The following GPC5 variants were observed in gnomAD, a reference collection of about 807,000 sequenced individuals.
The protein encoded by GPC5 is glypican-5.
Under a neutral mutation model 53.9 loss-of-function variants are expected in GPC5, and 47 were observed. That is an observed-to-expected ratio of 0.87 (90% CI 0.69 to 1.11). GPC5 has a LOEUF of 1.11. GPC5 is among the 50% of genes most tolerant of loss of function. The probability of loss-of-function intolerance (pLI) is 0.00; values close to 1 mark genes in which losing one functional copy is unlikely to be tolerated. For synonymous variants in GPC5, 286 were observed against 263.3 expected (o/e 1.09, Z -0.84); for missense variants, 748 against 713.1 (o/e 1.05, Z -0.56).
At chr13:91,594,471 T>G (rs1254835588) in intron 2 of GPC5, among the ~76,000 whole-genome samples, 1 of 152,246 alleles carries the variant, frequency 6.6e-6, no homozygotes, top group Admixed American at 6.5e-5. Flanking sequence ...CTCCTTGAGC[T>G]TTGCAGGTTG....
At chr13:92,804,019 A>G (rs1013609345) in intron 7 of GPC5, among the ~76,000 whole-genome samples, 1 of 151,986 alleles carries the variant, frequency 6.6e-6, no homozygotes, top group Non-Finnish European at 1.5e-5. Flanking sequence ...TAAAACTCAG[A>G]TTCTCCTAAC....
chr13:91,611,800 C>T (rs2033558613), intron 2 of GPC5, among the ~76,000 whole-genome samples: 1 of 152,174 alleles, frequency 6.6e-6, no homozygotes, highest in African/African-American at 2.4e-5. Context: ...ACCTTGCCAA[C>T]ATTACTGCTT....
intron 6 of GPC5, among the ~76,000 whole-genome samples, chr13:92,010,058 T>C (rs1463210293): frequency 6.6e-6 from 1 of 152,178 alleles, no homozygotes; most frequent in Admixed American, 6.5e-5. Flanking sequence ...TATATAAGGA[T>C]AATATAAGCT....
intron 7 of GPC5, among the ~76,000 whole-genome samples, chr13:92,468,373 G>T (rs546761921): frequency 6.6e-6 from 1 of 152,208 alleles, no homozygotes; most frequent in East Asian, 1.9e-4. Context: ...GAGTGTTCTT[G>T]GTTGTTTGGA....
At chr13:91,503,817 A>C (rs7987933) in intron 2 of GPC5, among the ~76,000 whole-genome samples, 1,668 of 147,420 alleles carry the variant, frequency 0.011, 32 homozygotes, top group African/African-American at 0.039. Context: ...TAATAATAAT[A>C]ATCAGGCTGT....
intron 2 of GPC5, among the ~76,000 whole-genome samples, chr13:91,515,258 A>T (rs571150297): frequency 6.6e-6 from 1 of 151,540 alleles, no homozygotes; most frequent in East Asian, 1.9e-4. Context: ...TTTTATGCAA[A>T]CTTGTTCATT....
rs549971563 is a variant in GPC5 at position 92,305,403 on chromosome 13, T to C, written c.1561+160414T>C. ...ATTAAAACATTTCAGTCAACAAAAC[T>C]GTGTGTTATAGTATACACTGAAAAA... On this transcript the variant is annotated intron_variant, in intron 7 of 7. Transcript: ENST00000377067. Among the ~76,000 whole-genome samples the C allele has an allele frequency of 2.0e-5, 3 of 152,308 alleles. No individual in the cohort carries two copies. In the South Asian group the frequency reaches 6.2e-4, roughly 32 times the overall value.
At chr13:92,488,829 G>A (rs896189783) in intron 7 of GPC5, among the ~76,000 whole-genome samples, 1 of 152,086 alleles carries the variant, frequency 6.6e-6, no homozygotes, top group African/African-American at 2.4e-5. Flanking sequence ...ACTGCCCTCC[G>A]GAAAACTGTT....
chr13:91,928,419 C>G (rs996256636), intron 6 of GPC5, among the ~76,000 whole-genome samples: 2 of 152,162 alleles, frequency 1.3e-5, no homozygotes, highest in Non-Finnish European at 2.9e-5. Context: ...GTGAGTTTAA[C>G]AGAGTGCCCC....
chr13:92,674,543 A>C (rs1886865761), intron 7 of GPC5, among the ~76,000 whole-genome samples: 1 of 18,758 alleles, frequency 5.3e-5, no homozygotes, highest in South Asian at 2.7e-3. Context: ...TTGCTTCATG[A>C]AGCAGGAGCT....
intron 7 of GPC5, among the ~76,000 whole-genome samples, chr13:92,502,282 A>G (rs1168475076): frequency 6.6e-6 from 1 of 152,052 alleles, no homozygotes; most frequent in African/African-American, 2.4e-5. Context: ...GGAATAACCC[A>G]AGGAAAATAA....
At chr13:92,382,798 CAGG>C (rs2043760186) in intron 7 of GPC5, among the ~76,000 whole-genome samples, 1 of 151,754 alleles carries the variant, frequency 6.6e-6, no homozygotes, top group African/African-American at 2.4e-5. Context: ...ATCACGAGGT[CAGG>C]AGATCAAGAC....
chr13:92,008,655 GC>G (rs1223246890), intron 6 of GPC5, among the ~76,000 whole-genome samples: 7 of 152,150 alleles, frequency 4.6e-5, no homozygotes, highest in African/African-American at 1.4e-4. Context: ...TGAGGAAGAA[GC>G]CGGCAGTAAT....
intron 7 of GPC5, among the ~76,000 whole-genome samples, chr13:92,372,626 T>C (rs1207752085): frequency 6.6e-6 from 1 of 152,208 alleles, no homozygotes; most frequent in Non-Finnish European, 1.5e-5. Context: ...GTAAATCCAC[T>C]AAATGCCACA....
At chr13:91,765,938 G>A (rs1403210392) in intron 5 of GPC5, among the ~76,000 whole-genome samples, 17 of 152,198 alleles carry the variant, frequency 1.1e-4, no homozygotes, top group Non-Finnish European at 2.9e-5. Flanking sequence ...TGATGGGAAC[G>A]GAGTGTTATA....
intron 7 of GPC5, among the ~76,000 whole-genome samples, chr13:92,330,391 T>C (rs1464258077): frequency 6.6e-6 from 1 of 152,180 alleles, no homozygotes; most frequent in Non-Finnish European, 1.5e-5. Flanking sequence ...TTGCAGCAGG[T>C]TGGGCCTTCA....
chr13:92,563,821 C>G (rs1366707281), intron 7 of GPC5, among the ~76,000 whole-genome samples: 1 of 151,978 alleles, frequency 6.6e-6, no homozygotes, highest in East Asian at 1.9e-4. Flanking sequence ...GTTAATTAAT[C>G]TGGTGTTATT....
At chr13:92,662,525 C>A (rs1886384328) in intron 7 of GPC5, among the ~76,000 whole-genome samples, 1 of 152,082 alleles carries the variant, frequency 6.6e-6, no homozygotes, top group Admixed American at 6.6e-5. Context: ...TTTAAGCAAC[C>A]CCAAGTTGCA....
chr13:92,697,848 T>C (rs577520191), intron 7 of GPC5, among the ~76,000 whole-genome samples: 39 of 152,324 alleles, frequency 2.6e-4, no homozygotes, highest in African/African-American at 9.1e-4. Flanking sequence ...TAAATAGCTC[T>C]TATTATTTTG....
Sources: gnomAD v4.1 joint callset for allele counts (sites outside exome capture counted in the v4.1 genomes callset) on GRCh38, gnomAD v4.1.1 for gene constraint, MANE v1.5 for transcripts, NCBI Gene and HGNC (gene_info 2026-07-23, HGNC 2026-07-21) for gene names.